The following ATP2A3 variants were observed in gnomAD, a reference collection of about 807,000 sequenced individuals.
ATP2A3 encodes ATPase sarcoplasmic/endoplasmic reticulum Ca2+ transporting 3.
ATP2A3 carries 61 observed loss-of-function variants against 106.8 expected under a neutral mutation model. The ratio of observed to expected loss-of-function variants is 0.57; its 90% CI spans 0.46 to 0.71. The LOEUF (loss-of-function observed/expected upper bound fraction) is 0.71. ATP2A3 is among the 30% of genes least tolerant of loss of function. ATP2A3 has a pLI of 0.00. For synonymous variants in ATP2A3, 611 were observed against 609.3 expected (o/e 1.00, Z -0.04); for missense variants, 1,201 against 1,423.5 (o/e 0.84, Z 2.52).
Position 3,927,096 on chromosome 17 carries a change from C to A in ATP2A3, c.2980+1567G>T, listed in dbSNP as rs1489610643. ...CCAGGTTCAATCCTGTTCTTTCCAA[C>A]CACTGCTTTAACCTCAAAGCCTGGA... On this transcript the variant is annotated intron_variant, in intron 20 of 20. Coordinates refer to ENST00000397041, the MANE Select transcript of ATP2A3 (RefSeq NM_005173.4). 3.0e-6 allele frequency: 3 copies of A among 985,472 alleles called. 1 individual carries two copies. The highest frequency in any genetic ancestry group is 5.2e-4 in the Middle Eastern group (1 of 1,914). 61.0% of individuals were successfully genotyped at this position (985,472 alleles called of 1,614,324 possible).
chr17:3,944,967 G>GC, intron 9 of ATP2A3, 93 bp downstream of exon 9: 1 of 1,280,646 alleles, frequency 7.8e-7, no homozygotes, highest in Non-Finnish European at 1.0e-6. Flanking sequence ...CTCCTGGCCC[G>GC]CCCCCAGGGG....
chr17:3,956,081 C>T (rs2144716106), intron 1 of ATP2A3, among the ~76,000 whole-genome samples: 1 of 152,100 alleles, frequency 6.6e-6, no homozygotes, highest in South Asian at 2.1e-4. Flanking sequence ...GGGGTTTCAC[C>T]ATGTTGGCCA....
At chr17:3,937,945 G>A (rs1427518981) in intron 14 of ATP2A3, among the ~76,000 whole-genome samples, 4 of 152,134 alleles carry the variant, frequency 2.6e-5, no homozygotes, top group African/African-American at 7.2e-5. Flanking sequence ...GGTTGGATGT[G>A]GGGTAGAAGA....
chr17:3,958,469 A>G (rs2054911097), intron 1 of ATP2A3, among the ~76,000 whole-genome samples: 1 of 152,026 alleles, frequency 6.6e-6, no homozygotes, highest in South Asian at 2.1e-4. Flanking sequence ...CCTACAGAAT[A>G]AAGACCAACT....
chr17:3,953,581 TGGGGAGCTCAGCAAGGCCTCACTCAGC>T lies in ATP2A3; in HGVS notation c.136+85_136+111del. On this transcript the variant is annotated intron_variant, in intron 2 of 20. Transcript: ENST00000397041. The surrounding 1 kb of genome is among the most constrained non-coding windows in gnomAD (Gnocchi z 5.1). The stretch of plus-strand genomic sequence containing the variant: ...GCTGAGAGGCTCAGGTGGGTGATCC[TGGGGAGCTCAGCAAGGCCTCACTCAGC>T]GGGGAGAAGGAAGTCATGACCAGAC... 1 of 1,509,248 alleles carries T rather than the reference TGGGGAGCTCAGCAAGGCCTCACTCAGC, an allele frequency of 6.6e-7. No homozygotes were observed. The highest frequency in any genetic ancestry group is 1.9e-5 in the Admixed American group (1 of 51,344). 93.5% of individuals were successfully genotyped at this position (1,509,248 alleles called of 1,614,324 possible).
At chr17:3,938,882 G>A (rs1177803520) in intron 14 of ATP2A3, among the ~76,000 whole-genome samples, 2 of 152,222 alleles carry the variant, frequency 1.3e-5, no homozygotes, top group Non-Finnish European at 2.9e-5. Flanking sequence ...AAATAGTTAT[G>A]TCGGGCTGGG....
Position 3,936,514 on chromosome 17 carries a change from G to T in ATP2A3, c.2322-45C>A. On this transcript the variant is annotated intron_variant, in intron 15 of 20. Transcript: ENST00000397041. The surrounding 1 kb of genome is among the most constrained non-coding windows in gnomAD (Gnocchi z 5.4). ...TCTAGCCCCGGTAGGCCTAGCCCCC[G>T]GCAGATGCAGGCTCCAGCTCCTGCT... 1.3e-6 allele frequency: 2 copies of T among 1,599,220 alleles called. No homozygotes were observed. Among genetic ancestry groups the T allele is most frequent in the Non-Finnish European group, 1.7e-6 (2 of 1,168,250 alleles).
intron 5 of ATP2A3, 95 bp downstream of exon 5, chr17:3,951,154 CAG>C: frequency 9.2e-7 from 1 of 1,092,664 alleles, no homozygotes; most frequent in Non-Finnish European, 1.1e-6. Context: ...GTCTGGGCAA[CAG>C]AGCACGACTC....
At chr17:3,958,721 C>CGT (rs1567726129) in intron 1 of ATP2A3, among the ~76,000 whole-genome samples, 5 of 97,910 alleles carry the variant, frequency 5.1e-5, no homozygotes, top group African/African-American at 2.2e-4. Flanking sequence ...TATATATACA[C>CGT]ATATATATAC....
chr17:3,951,175 AAAATAAATAAAT>A (rs371267455), intron 5 of ATP2A3, 64 bp downstream of exon 5: 3 of 1,153,368 alleles, frequency 2.6e-6, no homozygotes, highest in Non-Finnish European at 3.3e-6. Context: ...TCCATCTCAA[AAAATAAATAAAT>A]AAATAAATAA....
chr17:3,950,353 G>A (rs906806831), intron 7 of ATP2A3, among the ~76,000 whole-genome samples, 158 bp downstream of exon 7: 3 of 151,552 alleles, frequency 2.0e-5, no homozygotes, highest in South Asian at 2.1e-4. Context: ...TAGTAGAGAC[G>A]GGGTTTCACC....
In ATP2A3 at chr17:3,925,492, T is replaced by C. The variant is rs1005289066; in HGVS notation, c.2981-51A>G. On this transcript the variant is annotated intron_variant, in intron 20 of 20. Coordinates refer to ENST00000397041, the MANE Select transcript of ATP2A3 (RefSeq NM_005173.4). This position sits in a 1 kb window ranked among gnomAD's most constrained non-coding sequence, Gnocchi z 4.2. ...TAAGATGTATGTGTAAGGGCACACA[T>C]CCAGACAGCTTCCTTCCAGCCCCTT... The C allele has an allele frequency of 1.3e-6, 2 of 1,584,820 alleles. No homozygotes were observed. The highest frequency in any genetic ancestry group is 1.8e-5 in the Admixed American group (1 of 55,546).
Position 3,929,614 on chromosome 17 carries a change from T to G in ATP2A3, c.2745-169A>C, listed in dbSNP as rs565404097. Among the ~76,000 whole-genome samples, 1 of 152,302 alleles carries G rather than the reference T, an allele frequency of 6.6e-6. No individual in the cohort carries two copies. The highest frequency in any genetic ancestry group is 1.9e-4 in the East Asian group (1 of 5,184). On this transcript the variant is annotated intron_variant, in intron 18 of 20. Transcript: ENST00000397041. This position sits in a 1 kb window ranked among gnomAD's most constrained non-coding sequence, Gnocchi z 4.3. ...GACCCCTTTCTCTGCCCCTCAGACC[T>G]AATCTTGGCCGATTTCTTTGGACCC...
chr17:3,944,757 C>G lies in ATP2A3; in HGVS notation c.1234G>C (p.Glu412Gln). The change falls in exon 10 of 21, where the codon GAG (glutamate) becomes CAG (glutamine). Residue 412 changes from glutamate (E) to glutamine (Q), a missense_variant. This residue lies in a region of ATP2A3 where 935 missense variants were observed against 1,176.7 expected (regional missense o/e 0.79). Coordinates refer to ENST00000397041, the MANE Select transcript of ATP2A3 (RefSeq NM_005173.4). ...CACAGGGCGCAGATGGTCGCCAGCT[C>G]CACCAGCCCGTCGAACTGGCCGCAG... ...VRCGQFDGLV[E>Q]LATICALCND... 1 of 1,613,098 alleles carries G rather than the reference C, an allele frequency of 6.2e-7. No individual in the cohort carries two copies. The highest frequency in any genetic ancestry group is 8.5e-7 in the Non-Finnish European group (1 of 1,179,664).
Position 3,960,308 on chromosome 17 carries a change from G to A in ATP2A3, c.118+3866C>T, listed in dbSNP as rs1053856046. Among the ~76,000 whole-genome samples the A allele has an allele frequency of 6.6e-5, 10 of 152,368 alleles. No individual in the cohort carries two copies. In the Middle Eastern group the frequency reaches 0.01, roughly 155 times the overall value. On this transcript the variant is annotated intron_variant, in intron 1 of 20. Transcript: ENST00000397041. ...CAGCTATGGCCTGGAACTTATTTGAGGGCAGCAAATAAGGCCAGAGCCAAG... is the reference window on the plus strand; with the variant it reads ...CAGCTATGGCCTGGAACTTATTTGAAGGCAGCAAATAAGGCCAGAGCCAAG...
intron 1 of ATP2A3, among the ~76,000 whole-genome samples, chr17:3,959,461 G>A (rs1019688023): frequency 6.6e-6 from 1 of 152,222 alleles, no homozygotes; most frequent in African/African-American, 2.4e-5. Flanking sequence ...GTGCAGGCCA[G>A]GGCCCTGAGC....
In ATP2A3 at chr17:3,925,578, C is replaced by T. The variant is rs1470829619; in HGVS notation, c.2981-137G>A. The T allele has an allele frequency of 6.4e-6, 7 of 1,091,914 alleles. No individual in the cohort carries two copies. The highest frequency in any genetic ancestry group is 4.7e-5 in the African/African-American group (3 of 64,280). 67.6% of individuals were successfully genotyped at this position (1,091,914 alleles called of 1,614,324 possible). A position where few individuals can be genotyped will look rare whatever the true frequency, so the allele number is the denominator to read the frequency against. ...CCAAGGCCTCCCTTAGTCCAGACCT[C>T]AGTCTACCCCAGCCCCACCGGACCC... On this transcript the variant is annotated intron_variant, in intron 20 of 20. Transcript: ENST00000397041. This position sits in a 1 kb window ranked among gnomAD's most constrained non-coding sequence, Gnocchi z 4.2.
At position 3,947,925 on chromosome 17, in the gene ATP2A3, C is replaced by T. The variant is rs1397464186; in HGVS notation, c.631-70G>A. 4.1e-6 allele frequency: 6 copies of T among 1,478,384 alleles called. No homozygotes were observed. Among genetic ancestry groups the T allele is most frequent in the African/African-American group, 1.4e-5 (1 of 72,206 alleles). 91.6% of individuals were successfully genotyped at this position (1,478,384 alleles called of 1,614,324 possible). A position where few individuals can be genotyped will look rare whatever the true frequency, so the allele number is the denominator to read the frequency against. ...AGGGGCCCAGGACCCCTGACTCCTT[C>T]AGGCCGGAATAAGGCACTTATCCTT... On this transcript the variant is annotated intron_variant, in intron 7 of 20. Coordinates refer to ENST00000397041, the MANE Select transcript of ATP2A3 (RefSeq NM_005173.4). The surrounding 1 kb of genome is among the most constrained non-coding windows in gnomAD (Gnocchi z 7.7).
Position 3,929,315 on chromosome 17 carries a change from CG to C in ATP2A3, c.2862+12del, listed in dbSNP as rs1567676446. The C allele has an allele frequency of 2.6e-6, 4 of 1,546,496 alleles. No individual in the cohort carries two copies. The highest frequency in any genetic ancestry group is 3.5e-6 in the Non-Finnish European group (4 of 1,143,800). ...CCAGGGACCAGGGCAGTGGGGCAGG[CG>C]GGGTGACTCACAGGCAGGGGCGGCA... On this transcript the variant is annotated intron_variant, in intron 19 of 20. Coordinates refer to ENST00000397041, the MANE Select transcript of ATP2A3 (RefSeq NM_005173.4). This position sits in a 1 kb window ranked among gnomAD's most constrained non-coding sequence, Gnocchi z 4.3.
Sources: allele counts gnomAD v4.1 joint callset (sites outside exome capture counted in the v4.1 genomes callset), GRCh38; gene constraint gnomAD v4.1.1; regional missense constraint gnomAD v4.1.1; non-coding constraint Gnocchi (gnomAD v3.1); transcripts MANE v1.5; gene names NCBI Gene and HGNC (gene_info 2026-07-23, HGNC 2026-07-21).